Variants in KLHDC4 observed in about 807,000 individuals in gnomAD.
The protein encoded by KLHDC4 is kelch domain-containing protein 4.
Under a neutral mutation model 62.4 loss-of-function variants are expected in KLHDC4, and 90 were observed. That is an observed-to-expected ratio of 1.44 (90% CI 1.22 to 1.72). The LOEUF is 1.72. KLHDC4 is among the 40% of genes most tolerant of loss of function. The pLI is 0.00. For missense variants in KLHDC4, 1,025 were observed against 699.7 expected, an observed-to-expected ratio of 1.47 and a Z score of -5.25; for synonymous variants, 386 against 284.4, an observed-to-expected ratio of 1.36 and a Z score of -3.59.
chr16:87,755,974 G>T (rs11117295), intron 3 of KLHDC4: 62,073 of 163,698 alleles, frequency 0.38, 12,336 homozygotes, highest in South Asian at 0.51. Context: ...GCTTTTGTGT[G>T]TCACACACAA....
intron 7 of KLHDC4, among the ~76,000 whole-genome samples, chr16:87,720,825 G>A (rs2038144522): frequency 6.6e-6 from 1 of 152,248 alleles, no homozygotes; most frequent in Non-Finnish European, 1.5e-5. Context: ...CCCTGCCACA[G>A]CCGCAGCCTC....
In KLHDC4 at chr16:87,756,469, G is replaced by T; in HGVS notation, c.200C>A (p.Ala67Asp). 10 of 1,613,396 alleles carry T rather than the reference G, an allele frequency of 6.2e-6. No homozygotes were observed. The highest frequency in any genetic ancestry group is 8.5e-6 in the Non-Finnish European group (10 of 1,179,528). Residue 67 changes from alanine (A) to aspartate (D), a missense_variant, in exon 3 of 12, where the codon GCC (alanine) becomes GAC (aspartate). Coordinates refer to ENST00000270583, the MANE Select transcript of KLHDC4 (RefSeq NM_017566.4). Reference protein sequence around the residue: ...PCPPPSPRLNASLSVHPEKDE... With the variant: ...PCPPPSPRLNDSLSVHPEKDE... ...TTTCTCAGGATGAACCGAGAGGGAG[G>T]CATTTAACCTACAAGACACACAAGC... is the stretch of plus-strand genomic sequence containing the variant.
intron 5 of KLHDC4, among the ~76,000 whole-genome samples, chr16:87,742,191 A>C (rs888448247): frequency 6.6e-6 from 1 of 152,162 alleles, no homozygotes; most frequent in Non-Finnish European, 1.5e-5. Context: ...AGGCAGCAGC[A>C]GCACTGCACC....
chr16:87,739,790 C>T (rs2041969813), intron 5 of KLHDC4: 1 of 152,256 alleles, frequency 6.6e-6, no homozygotes, highest in Admixed American at 6.5e-5. Context: ...TATGAAATAC[C>T]CAGAAGAGGC....
chr16:87,725,970 G>A (rs148038702), intron 7 of KLHDC4, among the ~76,000 whole-genome samples: 401 of 152,180 alleles, frequency 2.6e-3, no homozygotes, highest in South Asian at 6.9e-3. Flanking sequence ...ACACAGAATC[G>A]CTCACACTGC....
At chr16:87,729,996 C>T (rs1376211203) in intron 6 of KLHDC4, among the ~76,000 whole-genome samples, 1 of 152,198 alleles carries the variant, frequency 6.6e-6, no homozygotes, top group Non-Finnish European at 1.5e-5. Context: ...CTTTGTCACC[C>T]AGGCTGGAGT....
At chr16:87,704,308 G>T (rs1444531273), downstream of KLHDC4, among the ~76,000 whole-genome samples, 1 of 148,088 alleles carries the variant, frequency 6.8e-6, no homozygotes, top group Non-Finnish European at 1.5e-5. Context: ...GAACCACACG[G>T]GGAAGGAGGC....
At chr16:87,762,255 T>G (rs926865974) in intron 1 of KLHDC4, 2 of 925,550 alleles carry the variant, frequency 2.2e-6, no homozygotes, top group African/African-American at 3.4e-5. Context: ...GGTAGATGTG[T>G]GCACCAAGTA....
chr16:87,753,465 A>T (rs1216012943), intron 4 of KLHDC4, among the ~76,000 whole-genome samples: 1 of 152,126 alleles, frequency 6.6e-6, no homozygotes, highest in Admixed American at 6.5e-5. Flanking sequence ...GAACTGAATC[A>T]CCTCAGGACA....
intron 5 of KLHDC4, chr16:87,747,828 C>T (rs1438319410): frequency 2.6e-5 from 4 of 152,274 alleles, no homozygotes; most frequent in African/African-American, 9.6e-5. Flanking sequence ...ATAACCAAGC[C>T]CGGGCTCCAG....
rs561056707 is a variant in KLHDC4, at chr16:87,709,041, T to C, written c.1447+224A>G. Among the ~76,000 whole-genome samples, 3 of 152,304 alleles carry C rather than the reference T, an allele frequency of 2.0e-5. No homozygotes were observed. In the East Asian group the frequency reaches 5.8e-4, roughly 29 times the overall value. The stretch of plus-strand genomic sequence containing the variant: ...TGTCCTGTGCCGCCAGAGCCGCAGC[T>C]CCCGTCAGCACCCGGGACAAAGGAC... On this transcript the variant is annotated intron_variant, in intron 10 of 11. Coordinates refer to ENST00000270583, the MANE Select transcript of KLHDC4 (RefSeq NM_017566.4).
chr16:87,750,081 C>T (rs1017354020), intron 4 of KLHDC4, among the ~76,000 whole-genome samples: 5 of 152,290 alleles, frequency 3.3e-5, no homozygotes, highest in East Asian at 1.9e-4. Context: ...TGAGGCCCTC[C>T]GTGGCCCACT....
intron 5 of KLHDC4, among the ~76,000 whole-genome samples, chr16:87,737,260 G>A (rs1244444133): frequency 1.3e-5 from 2 of 152,010 alleles, no homozygotes; most frequent in East Asian, 3.9e-4. Context: ...GAAGTTAGAG[G>A]CCTCAGCACT....
At chr16:87,721,339 G>A (rs549857137) in intron 7 of KLHDC4, among the ~76,000 whole-genome samples, 20 of 151,528 alleles carry the variant, frequency 1.3e-4, no homozygotes, top group African/African-American at 4.6e-4. Context: ...GCGTGAACCC[G>A]GTGGGTGGAG....
intron 4 of KLHDC4, 120 bp from the exon 5 acceptor site, chr16:87,748,929 C>G: frequency 8.5e-7 from 1 of 1,177,970 alleles, no homozygotes; most frequent in Non-Finnish European, 1.1e-6. Flanking sequence ...CATGACCAGC[C>G]CCACACTCAG....
At chr16:87,759,484 C>T (rs570218901) in intron 2 of KLHDC4, among the ~76,000 whole-genome samples, 45 of 151,166 alleles carry the variant, frequency 3.0e-4, no homozygotes, top group African/African-American at 5.6e-4. Flanking sequence ...CAGTGGCTCA[C>T]GCCTGTAATC....
rs984197423 is a variant in KLHDC4, at chr16:87,725,310, C to T, written c.759+1455G>A. 7.2e-5 allele frequency among the ~76,000 whole-genome samples: 11 copies of T among 152,138 alleles called. 1 individual carries two copies. The highest frequency in any genetic ancestry group is 4.1e-4 in the South Asian group (2 of 4,826). On this transcript the variant is annotated intron_variant, in intron 7 of 11. Transcript: ENST00000270583. ...ATAGGAAATTACCACCGACTACAGG[C>T]GCCCGCCACCACGCCCGGCTAATTT... is the stretch of plus-strand genomic sequence containing the variant.
intron 1 of KLHDC4, among the ~76,000 whole-genome samples, chr16:87,764,862 A>T (rs2046397308): frequency 6.6e-6 from 1 of 151,288 alleles, no homozygotes; most frequent in Non-Finnish European, 1.5e-5. Flanking sequence ...AAAGAGCCTA[A>T]GAGGAGTGTG....
intron 5 of KLHDC4, among the ~76,000 whole-genome samples, chr16:87,737,883 G>T (rs1251782118): frequency 6.6e-6 from 1 of 151,984 alleles, no homozygotes; most frequent in African/African-American, 2.4e-5. Context: ...GAACCACTGC[G>T]CCCAGCCCAG....
Sources: gnomAD v4.1 joint callset for allele counts (sites outside exome capture counted in the v4.1 genomes callset) on GRCh38, gnomAD v4.1.1 for gene constraint, MANE v1.5 for transcripts, NCBI Gene and HGNC (gene_info 2026-07-23, HGNC 2026-07-21) for gene names.